The following C1orf198 variants were observed in gnomAD, a reference collection of about 807,000 sequenced individuals.
C1orf198 encodes the protein chromosome 1 open reading frame 198.
Under a neutral mutation model 31.4 loss-of-function variants are expected in C1orf198, and 17 were observed. That is an observed-to-expected ratio of 0.54 (90% CI 0.37 to 0.81). The LOEUF (loss-of-function observed/expected upper bound fraction) is 0.81, where lower values mean the gene tolerates loss of function less well. Ranked by LOEUF, C1orf198 falls within the 40% of genes least tolerant of loss-of-function variation. The pLI is 0.00. For missense variants in C1orf198, 401 were observed against 450.3 expected, an observed-to-expected ratio of 0.89 and a Z score of 0.99; for synonymous variants, 175 against 193.8, an observed-to-expected ratio of 0.90 and a Z score of 0.81.
chr1:230,868,209 C>T lies in C1orf198; in HGVS notation c.304G>A (p.Gly102Ser). The T allele has an allele frequency of 2.6e-6, 4 of 1,531,464 alleles. No homozygotes were observed. The highest frequency in any genetic ancestry group is 2.6e-6 in the Non-Finnish European group (3 of 1,141,918). The allele number at this position is 1,531,464 out of a possible 1,614,324, so 94.9% of individuals were successfully genotyped here. The change falls in exon 1 of 4, where the codon GGC becomes AGC. Residue 102 changes from glycine (G) to serine (S), a missense_variant. By Grantham distance (56) the Gly-to-Ser change is moderately conservative (BLOSUM62 0). Transcript: ENST00000366663. ...TRFPGLRGPT[G>S]QKVVRFGDED... is the part of the protein sequence containing the mutation. ...TCCCCGAAGCGCACCACCTTCTGGCCCGTGGGCCCGCGCAAGCCGGGGAAG... is the reference window on the plus strand; with the variant it reads ...TCCCCGAAGCGCACCACCTTCTGGCTCGTGGGCCCGCGCAAGCCGGGGAAG...
intron 2 of C1orf198, among the ~76,000 whole-genome samples, chr1:230,847,102 CAAAAAAAAAAAAA>C (rs71179741): frequency 1.0e-4 from 7 of 69,700 alleles, no homozygotes; most frequent in African/African-American, 5.8e-4. Flanking sequence ...GACTCCGTCT[CAAAAAAAAAAAAA>C]AAAAAAAAAA....
chr1:230,846,539 A>T (rs1045433488), intron 2 of C1orf198, among the ~76,000 whole-genome samples: 1 of 152,224 alleles, frequency 6.6e-6, no homozygotes, highest in Non-Finnish European at 1.5e-5. Context: ...TGAGTCTGAG[A>T]TTTCTAAAAG....
chr1:230,865,945 C>T (rs1202583), intron 1 of C1orf198, among the ~76,000 whole-genome samples: 54,617 of 152,022 alleles, frequency 0.36, 10,468 homozygotes, highest in Middle Eastern at 0.49. Flanking sequence ...TTCAGGGCAG[C>T]GGAAAGGGCT....
chr1:230,855,921 C>A (rs1253689752), intron 1 of C1orf198: 5 of 1,345,778 alleles, frequency 3.7e-6, no homozygotes, highest in Non-Finnish European at 4.8e-6. Context: ...CTGAGGCTGC[C>A]AGACACTCCC....
At chr1:230,848,169 G>A (rs975140572) in intron 2 of C1orf198, among the ~76,000 whole-genome samples, 1 of 152,228 alleles carries the variant, frequency 6.6e-6, no homozygotes, top group African/African-American at 2.4e-5. Context: ...GGTGTCATCT[G>A]GCTAGAGAAG....
chr1:230,868,044 C>CCCCCCCCCCCCAT, intron 1 of C1orf198, 136 bp downstream of exon 1: 1 of 951,316 alleles, frequency 1.1e-6, no homozygotes, highest in Non-Finnish European at 1.4e-6. Flanking sequence ...GCTCCCCTCC[C>CCCCCCCCCCCCAT]ACCCACTGCC....
At chr1:230,862,439 T>A (rs1317988629) in intron 1 of C1orf198, among the ~76,000 whole-genome samples, 1 of 152,224 alleles carries the variant, frequency 6.6e-6, no homozygotes, top group East Asian at 1.9e-4. Flanking sequence ...GTTTTACTCA[T>A]AATTGCCAAA....
intron 1 of C1orf198, among the ~76,000 whole-genome samples, chr1:230,865,223 T>C (rs549090058): frequency 1.3e-5 from 2 of 152,202 alleles, no homozygotes; most frequent in Non-Finnish European, 2.9e-5. Context: ...GCTGCTGGCA[T>C]GGCCAGGACA....
intron 1 of C1orf198, among the ~76,000 whole-genome samples, chr1:230,866,404 A>G (rs1202584): frequency 0.66 from 99,752 of 152,034 alleles, 33,006 homozygotes; most frequent in South Asian, 0.75. Flanking sequence ...CTCCTGAGTT[A>G]CTCCTGGAAG....
rs1421358860 is a variant in C1orf198 at position 230,868,486 on chromosome 1, C to T, written c.27G>A (p.Ala9=). 4 of 1,484,960 alleles carry T rather than the reference C, an allele frequency of 2.7e-6. No individual in the cohort carries two copies. Among genetic ancestry groups the T allele is most frequent in the Non-Finnish European group, 3.6e-6 (4 of 1,109,364 alleles). The allele number at this position is 1,484,960 out of a possible 1,614,324, so 92.0% of individuals were successfully genotyped here. MASMAAAI[A]ASRSAVMSGN... ...CGCTCATGACCGCCGAGCGCGAAGC[C>T]GCGATCGCCGCCGCCATGGACGCCA... The change falls in exon 1 of 4, where the codon GCG becomes GCA. Residue 9 remains alanine, a synonymous_variant. Coordinates refer to ENST00000366663, the MANE Select transcript of C1orf198 (RefSeq NM_032800.3).
At position 230,855,655 on chromosome 1, in the gene C1orf198, TA is replaced by T. The variant is rs772766964; in HGVS notation, c.384+12del. ...TTAAAAGAACAAATAGATCTAAATT[TA>T]ATCCAACTTACCTTTGTTTCCCAGG... On this transcript the variant is annotated intron_variant, in intron 2 of 3. Coordinates refer to ENST00000366663, the MANE Select transcript of C1orf198 (RefSeq NM_032800.3). 6.2e-7 allele frequency: 1 copy of T among 1,610,886 alleles called. No individual in the cohort carries two copies. The highest frequency in any genetic ancestry group is 2.2e-5 in the East Asian group (1 of 44,792).
In C1orf198 at chr1:230,837,805, T is replaced by A. The variant is rs1188397792; in HGVS notation, c.*2047A>T. 6.6e-6 allele frequency: 1 copy of A among 152,226 alleles called. No homozygotes were observed. The highest frequency in any genetic ancestry group is 2.1e-4 in the South Asian group (1 of 4,824). 9.4% of individuals were successfully genotyped at this position (152,226 alleles called of 1,614,324 possible). On this transcript the variant is annotated 3_prime_UTR_variant, in exon 4 of 4. Transcript: ENST00000366663. The stretch of plus-strand genomic sequence containing the variant: ...CATTAAGAAACATTATTAGAGTTAT[T>A]GCTGGGTGCTGGGCCCCAGACGATA...
At chr1:230,841,708 C>T (rs1486580207) in intron 3 of C1orf198, among the ~76,000 whole-genome samples, 5 of 152,140 alleles carry the variant, frequency 3.3e-5, no homozygotes, top group African/African-American at 4.8e-5. Flanking sequence ...GCTGCTGTGG[C>T]GAACAGTATG....
In C1orf198 at chr1:230,843,576, C is replaced by G. The variant is rs756381210; in HGVS notation, c.705G>C (p.Pro235=). ...TTTCCACCTTGGCCTCCCTGTCCTT[C>G]GGGGCAGGTTCCTGCCGGTAGCAGG... The part of the protein sequence containing the change: ...LPPCYRQEPA[P]KDREAKVERP... The change falls in exon 3 of 4, where the codon CCG becomes CCC. Residue 235 remains proline (P), a synonymous_variant. Transcript: ENST00000366663. This position sits in a 1 kb window ranked among gnomAD's most constrained non-coding sequence, Gnocchi z 4.9. 1.9e-6 allele frequency: 3 copies of G among 1,613,912 alleles called. No individual in the cohort carries two copies. In the African/African-American group the frequency reaches 4.0e-5, roughly 22 times the overall value.
chr1:230,845,341 T>A (rs1375287494), intron 2 of C1orf198, among the ~76,000 whole-genome samples: 1 of 151,092 alleles, frequency 6.6e-6, no homozygotes, highest in Non-Finnish European at 1.5e-5. Context: ...CACGATTGCA[T>A]CACTGCATTC....
intron 2 of C1orf198, 136 bp downstream of exon 2, chr1:230,855,532 A>G (rs1669851008): frequency 1.1e-6 from 1 of 896,964 alleles, no homozygotes; most frequent in African/African-American, 1.7e-5. Flanking sequence ...CTCCTTTTCT[A>G]CCAACAATGG....
chr1:230,860,208 T>TGG (rs1669976708), intron 1 of C1orf198, among the ~76,000 whole-genome samples: 1 of 152,132 alleles, frequency 6.6e-6, no homozygotes, highest in African/African-American at 2.4e-5. Context: ...AAGCAGATAC[T>TGG]GGCAAGTATT....
intron 2 of C1orf198, among the ~76,000 whole-genome samples, chr1:230,854,047 A>T (rs61496462): frequency 0.015 from 2,233 of 152,362 alleles, 49 homozygotes; most frequent in African/African-American, 0.05. Context: ...TAGCTGATTC[A>T]GGAACATTTA....
chr1:230,837,178 G>A lies in C1orf198; in HGVS notation c.*2674C>T, dbSNP rs1669323146. The A allele has an allele frequency of 6.6e-6, 1 of 152,628 alleles. No homozygotes were observed. Among genetic ancestry groups the A allele is most frequent in the Non-Finnish European group, 1.5e-5 (1 of 68,046 alleles). The allele number at this position is 152,628 out of a possible 1,614,324, so 9.5% of individuals were successfully genotyped here. A position where few individuals can be genotyped will look rare whatever the true frequency, so the allele number is the denominator to read the frequency against. On this transcript the variant is annotated 3_prime_UTR_variant, in exon 4 of 4. Coordinates refer to ENST00000366663, the MANE Select transcript of C1orf198 (RefSeq NM_032800.3). Reference sequence around the variant, plus strand: ...AGTATAAAATATGACTAAGTTACAAGTCGTCAGTAAGAATTTATTACTTTT... The same window carrying A: ...AGTATAAAATATGACTAAGTTACAAATCGTCAGTAAGAATTTATTACTTTT...
Sources: gnomAD v4.1 joint callset for allele counts (sites outside exome capture counted in the v4.1 genomes callset) on GRCh38, gnomAD v4.1.1 for gene constraint, Gnocchi (gnomAD v3.1) non-coding constraint, MANE v1.5 for transcripts, NCBI Gene and HGNC (gene_info 2026-07-23, HGNC 2026-07-21) for gene names.